The following PRELID2 variants were observed in gnomAD, a reference collection of about 807,000 sequenced individuals.
The protein encoded by PRELID2 is PRELI domain containing 2, also known as PRELI domain-containing protein 2.
In PRELID2, 25 loss-of-function variants were observed where a neutral mutation model predicts 28.4. That is an observed-to-expected ratio of 0.88 (90% CI 0.64 to 1.23). The LOEUF (loss-of-function observed/expected upper bound fraction) is 1.23, where lower values mean the gene tolerates loss of function less well. Among genes scored for constraint, PRELID2 ranks in the 50% most tolerant of loss-of-function variants. PRELID2 has a pLI of 0.00. For synonymous variants in PRELID2, 76 were observed against 71.6 expected, an observed-to-expected ratio of 1.06 and a Z score of -0.31; for missense variants, 201 against 214.4, an observed-to-expected ratio of 0.94 and a Z score of 0.39.
chr5:145,748,144 G>A (rs9986125), intron 1 of PRELID2, among the ~76,000 whole-genome samples: 1 of 152,176 alleles, frequency 6.6e-6, no homozygotes, highest in Admixed American at 6.5e-5. Context: ...CATAGTATTG[G>A]AAGTTCTGGC....
chr5:145,599,616 C>A (rs893419136), intron 1 of PRELID2, among the ~76,000 whole-genome samples: 1 of 152,124 alleles, frequency 6.6e-6, no homozygotes, highest in African/African-American at 2.4e-5. Context: ...AGATGATAAA[C>A]TCCATGAATG....
intron 1 of PRELID2, among the ~76,000 whole-genome samples, chr5:145,672,754 A>C (rs1754734348): frequency 6.6e-6 from 1 of 152,248 alleles, no homozygotes; most frequent in African/African-American, 2.4e-5. Flanking sequence ...AAACACAAAA[A>C]AGGACTGACA....
chr5:145,511,079 C>T (rs1385575791), intron 1 of PRELID2, among the ~76,000 whole-genome samples: 1 of 152,156 alleles, frequency 6.6e-6, no homozygotes, highest in East Asian at 1.9e-4. Flanking sequence ...AGTCATGTCG[C>T]CTCTTGATTC....
the PRELID2 span, among the ~76,000 whole-genome samples, chr5:145,384,678 T>C: frequency 1.3e-5 from 2 of 152,126 alleles, no homozygotes; most frequent in Non-Finnish European, 2.9e-5. Flanking sequence ...ATAGAAAGCA[T>C]AGCTCCAGCA....
At chr5:145,251,065 A>G in the PRELID2 span, among the ~76,000 whole-genome samples, 2 of 152,172 alleles carry the variant, frequency 1.3e-5, no homozygotes, top group African/African-American at 2.4e-5. Flanking sequence ...ATAACTATCC[A>G]TAGTTGCTAG....
chr5:145,684,883 G>T (rs1472452354), intron 1 of PRELID2, among the ~76,000 whole-genome samples: 2 of 152,158 alleles, frequency 1.3e-5, no homozygotes, highest in African/African-American at 2.4e-5. Flanking sequence ...GCCAGGATTT[G>T]AGGTCACAGC....
chr5:145,519,310 G>T (rs72811507), intron 1 of PRELID2, among the ~76,000 whole-genome samples: 3,521 of 152,266 alleles, frequency 0.023, 60 homozygotes, highest in Non-Finnish European at 0.036. Flanking sequence ...TAACCTTTAG[G>T]ATGTGTATAA....
intron 5 of PRELID2, among the ~76,000 whole-genome samples, chr5:145,785,016 C>T (rs1751900464): frequency 1.3e-5 from 2 of 151,958 alleles, no homozygotes; most frequent in Non-Finnish European, 2.9e-5. Flanking sequence ...CACAAACTTG[C>T]CCTGTACCAC....
chr5:145,514,770 C>CA (rs1042792810), intron 1 of PRELID2, among the ~76,000 whole-genome samples: 25 of 147,480 alleles, frequency 1.7e-4, no homozygotes, highest in African/African-American at 4.0e-4. Context: ...TTAGCAAATG[C>CA]AAAAAAAAAG....
intron 1 of PRELID2, among the ~76,000 whole-genome samples, chr5:145,588,793 C>A (rs546800286): frequency 4.9e-4 from 74 of 151,884 alleles, no homozygotes; most frequent in Non-Finnish European, 9.0e-4. Flanking sequence ...GCAGCACCAG[C>A]AGCAGCCAGG....
At chr5:145,550,808 C>T (rs1752826959) in intron 1 of PRELID2, among the ~76,000 whole-genome samples, 1 of 151,924 alleles carries the variant, frequency 6.6e-6, no homozygotes, top group African/African-American at 2.4e-5. Flanking sequence ...GATTTAAATC[C>T]CAGCACAAAA....
At chr5:145,582,569 T>C (rs958535858) in intron 1 of PRELID2, among the ~76,000 whole-genome samples, 5 of 151,884 alleles carry the variant, frequency 3.3e-5, no homozygotes, top group Non-Finnish European at 5.9e-5. Flanking sequence ...TCAGAGTCTG[T>C]TTCCTCACCT....
the PRELID2 span, among the ~76,000 whole-genome samples, chr5:145,274,962 G>A: frequency 2.6e-5 from 4 of 152,110 alleles, no homozygotes; most frequent in Non-Finnish European, 5.9e-5. Context: ...TTGGCTTTTG[G>A]ATGGCCAGCT....
chr5:145,527,036 G>C (rs947209772), intron 1 of PRELID2, among the ~76,000 whole-genome samples: 9 of 152,276 alleles, frequency 5.9e-5, no homozygotes, highest in Non-Finnish European at 7.4e-5. Flanking sequence ...GATAATGAGA[G>C]AATTAGATTA....
downstream of PRELID2, among the ~76,000 whole-genome samples, chr5:145,467,734 T>C (rs540451004): frequency 6.6e-6 from 1 of 151,512 alleles, no homozygotes; most frequent in African/African-American, 2.4e-5. Flanking sequence ...CCATTTCTAT[T>C]CTCAATCATT....
intron 1 of PRELID2, among the ~76,000 whole-genome samples, chr5:145,727,456 C>T (rs901900681): frequency 3.3e-5 from 5 of 152,148 alleles, no homozygotes; most frequent in African/African-American, 1.2e-4. Flanking sequence ...ACATGCAAGC[C>T]CTGCCTCAGC....
At chr5:145,248,746 G>A in the PRELID2 span, among the ~76,000 whole-genome samples, 69 of 151,546 alleles carry the variant, frequency 4.6e-4, no homozygotes, top group South Asian at 2.1e-3. Flanking sequence ...GCAGTGAACC[G>A]AGATCTCACC....
the PRELID2 span, among the ~76,000 whole-genome samples, chr5:145,266,521 T>C: frequency 5.3e-5 from 8 of 152,132 alleles, no homozygotes; most frequent in African/African-American, 1.9e-4. Flanking sequence ...GTGGTCATAA[T>C]CAAAAAATCC....
chr5:145,830,110 A>G (rs442708), intron 1 of PRELID2, among the ~76,000 whole-genome samples: 108,591 of 152,112 alleles, frequency 0.71, 39,952 homozygotes, highest in Non-Finnish European at 0.82. Flanking sequence ...CTAATCCCCA[A>G]AAGAGTCAGT....
Sources: gnomAD v4.1 joint callset for allele counts (sites outside exome capture counted in the v4.1 genomes callset) on GRCh38, gnomAD v4.1.1 for gene constraint, MANE v1.5 for transcripts, NCBI Gene and HGNC (gene_info 2026-07-23, HGNC 2026-07-21) for gene names.